SMC6: variants seen among roughly 807,000 people sequenced by gnomAD.
SMC6 encodes the protein structural maintenance of chromosomes protein 6.
SMC6 carries 79 observed loss-of-function variants against 142.2 expected under a neutral mutation model. The ratio of observed to expected loss-of-function variants is 0.56; its 90% CI spans 0.46 to 0.67. SMC6 has a LOEUF of 0.67. Ranked by LOEUF, SMC6 falls within the 30% of genes least tolerant of loss-of-function variation. The pLI, the probability that SMC6 is intolerant of heterozygous loss-of-function variation, is 0.00. For synonymous variants in SMC6, 411 were observed against 412.4 expected (o/e 1.00, Z 0.04); for missense variants, 1,072 against 1,284.0 (o/e 0.83, Z 2.52).
At chr2:17,704,380 G>A (rs1010160506) in intron 18 of SMC6, among the ~76,000 whole-genome samples, 2 of 151,960 alleles carry the variant, frequency 1.3e-5, no homozygotes, top group Admixed American at 1.3e-4. Context: ...AGAAGAGGAC[G>A]ACAATAAGAA....
chr2:17,753,077 AG>A lies in SMC6; in HGVS notation c.-92-14del. ...CTCCGGTTCATTTCTGTAAGAAATG[AG>A]GGCAGAGAAATGCCATCAGTAAACC... On this transcript the variant is annotated splice_polypyrimidine_tract_variant and intron_variant, in intron 1 of 27. Coordinates refer to ENST00000448223, the MANE Select transcript of SMC6 (RefSeq NM_001142286.2). 1 of 952,028 alleles carries A rather than the reference AG, an allele frequency of 1.1e-6. No individual in the cohort carries two copies. Among genetic ancestry groups the A allele is most frequent in the Non-Finnish European group, 1.3e-6 (1 of 799,520 alleles). The allele number at this position is 952,028 out of a possible 1,614,324, so 59.0% of individuals were successfully genotyped here.
At chr2:17,703,470 T>C (rs1288542682) in intron 18 of SMC6, among the ~76,000 whole-genome samples, 178 bp from the exon 19 acceptor site, 1 of 152,194 alleles carries the variant, frequency 6.6e-6, no homozygotes, top group African/African-American at 2.4e-5. Context: ...TGCAGACATT[T>C]CAAAAAACAT....
chr2:17,740,849 CAAAAAAACAAAAAACA>C, intron 4 of SMC6: 1 of 156,998 alleles, frequency 6.4e-6, no homozygotes. Context: ...GACTCTGTCT[CAAAAAAACAAAAAACA>C]AAAAAACAAA....
chr2:17,672,455 T>G (rs1666804568), intron 25 of SMC6, among the ~76,000 whole-genome samples: 1 of 152,176 alleles, frequency 6.6e-6, no homozygotes, highest in South Asian at 2.1e-4. Context: ...GTAATAGTTT[T>G]TATAAAGAAC....
At chr2:17,715,952 G>A (rs1387261334) in intron 15 of SMC6, 134 bp downstream of exon 15, 11 of 741,308 alleles carry the variant, frequency 1.5e-5, no homozygotes, top group Non-Finnish European at 1.7e-5. Context: ...AATATAAAAC[G>A]AAAGCTACAA....
chr2:17,736,812 T>TC (rs1464857246), intron 5 of SMC6, among the ~76,000 whole-genome samples: 2 of 151,810 alleles, frequency 1.3e-5, no homozygotes, highest in Non-Finnish European at 2.9e-5. Flanking sequence ...GTAGAGGTTG[T>TC]AGTGAGCCAA....
At chr2:17,741,348 C>T (rs535749051) in intron 4 of SMC6, among the ~76,000 whole-genome samples, 6 of 152,264 alleles carry the variant, frequency 3.9e-5, no homozygotes, top group African/African-American at 1.4e-4. Context: ...GTCTACCCTT[C>T]TATGGTACAG....
At chr2:17,669,555 G>C (rs1666659926) in intron 26 of SMC6, among the ~76,000 whole-genome samples, 1 of 152,116 alleles carries the variant, frequency 6.6e-6, no homozygotes, top group South Asian at 2.1e-4. Context: ...ACAAATAATA[G>C]AAAAACAGGA....
chr2:17,665,796 A>T lies in SMC6; in HGVS notation c.3162-183T>A, dbSNP rs532997758. Among the ~76,000 whole-genome samples the T allele has an allele frequency of 4.6e-5, 7 of 152,358 alleles. No homozygotes were observed. The East Asian group carries it at 1.2e-3, about 25-fold the overall frequency. On this transcript the variant is annotated intron_variant, in intron 27 of 27. Transcript: ENST00000448223. ...AAGGAAATAATTTGTTTTCCATTTTAAAAATTAATTCCTGCTAGATCCCAT... is the reference window on the plus strand; with the variant it reads ...AAGGAAATAATTTGTTTTCCATTTTTAAAATTAATTCCTGCTAGATCCCAT...
chr2:17,740,193 A>T (rs1670372576), intron 4 of SMC6, among the ~76,000 whole-genome samples: 1 of 152,212 alleles, frequency 6.6e-6, no homozygotes, highest in Non-Finnish European at 1.5e-5. Flanking sequence ...CTAACTTCAG[A>T]ACCCATCAGT....
Position 17,665,450 on chromosome 2 carries a change from T to TC in SMC6, c.*48dup, listed in dbSNP as rs1490043385. ...ATATCAAAGAGTCCAGAATTTTTTT[T>TC]CCCTTCACAAATCCTTCAACATCAG... is the stretch of plus-strand genomic sequence containing the variant. On this transcript the variant is annotated 3_prime_UTR_variant, in exon 28 of 28. Coordinates refer to ENST00000448223, the MANE Select transcript of SMC6 (RefSeq NM_001142286.2). The TC allele has an allele frequency of 5.3e-6, 7 of 1,319,994 alleles. No individual in the cohort carries two copies. The highest frequency in any genetic ancestry group is 1.9e-4 in the Middle Eastern group (1 of 5,286). The allele number at this position is 1,319,994 out of a possible 1,614,324, so 81.8% of individuals were successfully genotyped here.
rs778076544 is a variant in SMC6 at position 17,716,773 on chromosome 2, T to C, written c.1314A>G (p.Ile438Met). ...TGCCATGTTCTTCTTTGTCCTTTTC[T>C]ATGGCTTGCTGAAACTGTTCGATCT... ...NQEIEQFQQAIEKDKEEHGKI... is the reference protein window; with the variant it reads ...NQEIEQFQQAMEKDKEEHGKI... The change falls in exon 14 of 28, where the codon ATA (isoleucine) becomes ATG (methionine). Residue 438 changes from isoleucine to methionine, a missense_variant. Ile to Met is a conservative substitution (Grantham distance 10, BLOSUM62 1). Coordinates refer to ENST00000448223, the MANE Select transcript of SMC6 (RefSeq NM_001142286.2). 10 of 1,612,134 alleles carry C rather than the reference T, an allele frequency of 6.2e-6. No individual in the cohort carries two copies. The South Asian group carries it at 8.9e-5, about 14-fold the overall frequency.
At chr2:17,713,194 C>T (rs6731131) in intron 16 of SMC6, among the ~76,000 whole-genome samples, 50,092 of 152,060 alleles carry the variant, frequency 0.33, 8,931 homozygotes, top group African/African-American at 0.38. Context: ...TCTAACAGTA[C>T]AGACTCTCCC....
At chr2:17,715,173 C>A in intron 15 of SMC6, 108 bp from the exon 16 acceptor site, 2 of 1,015,668 alleles carry the variant, frequency 2.0e-6, no homozygotes, top group Non-Finnish European at 2.9e-6. Context: ...TTATATAAAG[C>A]AGTTTAAATG....
rs749529414 is a variant in SMC6 at position 17,721,013 on chromosome 2, T to C, written c.872A>G (p.Asn291Ser). Residue 291 changes from asparagine (N) to serine (S), a missense_variant, in exon 11 of 28, where the codon AAT becomes AGT. Coordinates refer to ENST00000448223, the MANE Select transcript of SMC6 (RefSeq NM_001142286.2). ...AATTTTGATATTATCTCTGATGGCA[T>C]TCAATTGTTTTTCAATTTCATTGAC... ...AVVNEIEKQLNAIRDNIKIGE... is the reference protein window; with the variant it reads ...AVVNEIEKQLSAIRDNIKIGE... 1.9e-6 allele frequency: 3 copies of C among 1,613,742 alleles called. No individual in the cohort carries two copies. Among genetic ancestry groups the C allele is most frequent in the East Asian group, 4.5e-5 (2 of 44,816 alleles).
intron 12 of SMC6, 106 bp downstream of exon 12, chr2:17,717,971 G>T: frequency 2.5e-6 from 3 of 1,191,154 alleles, no homozygotes; most frequent in Non-Finnish European, 3.4e-6. Context: ...GGGTGACAGA[G>T]CAAGACTATT....
rs748880127 is a variant in SMC6 at position 17,695,280 on chromosome 2, T to C, written c.2550A>G (p.Ala850=). Reference sequence around the variant, plus strand: ...CTATACGCTCTGGGCAGATTTGTCTTGCTTGTGACATTTTCTCCTAAGAAA... The same window carrying C: ...CTATACGCTCTGGGCAGATTTGTCTCGCTTGTGACATTTTCTCCTAAGAAA... ...EKELEEKMSQ[A]RQICPERIEV... The change falls in exon 23 of 28, where the codon GCA becomes GCG. Residue 850 remains alanine (A), a synonymous_variant. Transcript: ENST00000448223. 7 of 1,612,352 alleles carry C rather than the reference T, an allele frequency of 4.3e-6. No individual in the cohort carries two copies. Among genetic ancestry groups the C allele is most frequent in the Non-Finnish European group, 4.2e-6 (5 of 1,179,668 alleles).
chr2:17,743,936 T>G (rs746746354), intron 3 of SMC6, among the ~76,000 whole-genome samples: 16 of 152,204 alleles, frequency 1.1e-4, no homozygotes, highest in Non-Finnish European at 2.4e-4. Context: ...ATACTAATAG[T>G]GCATCGTCTG....
intron 12 of SMC6, 53 bp downstream of exon 12, chr2:17,718,024 C>T (rs114914021): frequency 0.026 from 39,795 of 1,522,150 alleles, 655 homozygotes; most frequent in South Asian, 0.049. Flanking sequence ...GAAGAACAGC[C>T]TTTATATTTG....
Sources: gnomAD v4.1 joint callset for allele counts (sites outside exome capture counted in the v4.1 genomes callset) on GRCh38, gnomAD v4.1.1 for gene constraint, MANE v1.5 for transcripts, NCBI Gene and HGNC (gene_info 2026-07-23, HGNC 2026-07-21) for gene names.